The following ATL2 variants were observed in gnomAD, a reference collection of about 807,000 sequenced individuals.
The protein encoded by ATL2 is atlastin GTPase 2, also known as atlastin-2.
Under a neutral mutation model 73.9 loss-of-function variants are expected in ATL2, and 31 were observed. That is an observed-to-expected ratio of 0.42 (90% CI 0.32 to 0.57). ATL2 has a LOEUF of 0.57. Ranked by LOEUF, ATL2 falls within the 20% of genes least tolerant of loss-of-function variation. The probability of loss-of-function intolerance (pLI) is 0.14; values close to 1 mark genes in which losing one functional copy is unlikely to be tolerated. For missense variants in ATL2, 738 were observed against 702.6 expected, an observed-to-expected ratio of 1.05 and a Z score of -0.57; for synonymous variants, 291 against 237.5, an observed-to-expected ratio of 1.23 and a Z score of -2.07.
intron 8 of ATL2, 81 bp from the exon 9 acceptor site, chr2:38,309,587 T>C: frequency 7.1e-7 from 1 of 1,410,972 alleles, no homozygotes; most frequent in Admixed American, 2.3e-5. Flanking sequence ...AATTCTGTTT[T>C]ATGAAATAAG....
intron 1 of ATL2, among the ~76,000 whole-genome samples, chr2:38,356,819 C>A (rs1670695225): frequency 6.6e-6 from 1 of 152,062 alleles, no homozygotes. Context: ...ACAACCATTT[C>A]TATACATGTT....
At chr2:38,321,845 T>C (rs1668339615) in intron 2 of ATL2, among the ~76,000 whole-genome samples, 1 of 152,154 alleles carries the variant, frequency 6.6e-6, no homozygotes, top group African/African-American at 2.4e-5. Flanking sequence ...CCTAAGTAGC[T>C]GGGACTGCAG....
intron 6 of ATL2, among the ~76,000 whole-genome samples, chr2:38,314,045 A>G (rs1667895582): frequency 6.6e-6 from 1 of 152,228 alleles, no homozygotes; most frequent in Non-Finnish European, 1.5e-5. Context: ...AAGATTAACA[A>G]TCAGTAGCAA....
At chr2:38,322,599 C>G (rs1479259895) in intron 2 of ATL2, among the ~76,000 whole-genome samples, 1 of 152,142 alleles carries the variant, frequency 6.6e-6, no homozygotes, top group Non-Finnish European at 1.5e-5. Context: ...TGCCAGCCCC[C>G]TCTTCCAAAG....
Position 38,300,098 on chromosome 2 carries a change from C to CA in ATL2, c.1128+173dup, listed in dbSNP as rs750133609. ...ATGGAAGGCCTACAATCTGCAGTTA[C>CA]AAAAAAAAAATTGTATGAAACCTTA... On this transcript the variant is annotated intron_variant, in intron 10 of 12. Coordinates refer to ENST00000378954, the MANE Select transcript of ATL2 (RefSeq NM_001135673.4). Among the ~76,000 whole-genome samples the CA allele has an allele frequency of 5.2e-4, 78 of 148,960 alleles. 3 individuals are homozygous for CA. The South Asian group carries it at 7.2e-3, about 14-fold the overall frequency.
chr2:38,305,179 T>C (rs1381908056), intron 9 of ATL2, among the ~76,000 whole-genome samples: 1 of 152,070 alleles, frequency 6.6e-6, no homozygotes, highest in African/African-American at 2.4e-5. Context: ...CAATTGTAAA[T>C]ATATATGCAC....
At chr2:38,310,494 A>AT in intron 7 of ATL2, 47 bp from the exon 8 acceptor site, 4 of 1,538,314 alleles carry the variant, frequency 2.6e-6, no homozygotes, top group Non-Finnish European at 2.6e-6. Flanking sequence ...AAGAAAGAAA[A>AT]TTTTTTTAAA....
In ATL2 at chr2:38,295,963, AAG is replaced by A. The variant is rs1558377947; in HGVS notation, c.*29_*30del. ...CATTGTACAGCAAGCATGAAAAAAAAAGAGAGTGGAGTCCGTGAGGAGATGAA... is the reference window on the plus strand; with the variant it reads ...CATTGTACAGCAAGCATGAAAAAAAAAGAGTGGAGTCCGTGAGGAGATGAA... On this transcript the variant is annotated 3_prime_UTR_variant, in exon 13 of 13. Coordinates refer to ENST00000378954, the MANE Select transcript of ATL2 (RefSeq NM_001135673.4). 10 of 1,484,832 alleles carry A rather than the reference AAG, an allele frequency of 6.7e-6. No individual in the cohort carries two copies. Among genetic ancestry groups the A allele is most frequent in the South Asian group, 2.5e-5 (2 of 79,250 alleles). 92.0% of individuals were successfully genotyped at this position (1,484,832 alleles called of 1,614,324 possible).
At chr2:38,314,117 T>G (rs772193893) in intron 6 of ATL2, among the ~76,000 whole-genome samples, 3 of 152,200 alleles carry the variant, frequency 2.0e-5, no homozygotes, top group Non-Finnish European at 4.4e-5. Context: ...CATGCTCTCC[T>G]ACTGTAACTG....
chr2:38,357,558 A>C (rs1287845466), intron 1 of ATL2, among the ~76,000 whole-genome samples: 1 of 150,356 alleles, frequency 6.7e-6, no homozygotes, highest in Non-Finnish European at 1.5e-5. Context: ...AGGCTGAGGC[A>C]GAAGAATCGC....
chr2:38,371,672 TG>T (rs1264723118), intron 1 of ATL2, among the ~76,000 whole-genome samples: 8 of 151,804 alleles, frequency 5.3e-5, no homozygotes, highest in Admixed American at 5.3e-4. Context: ...CCAAGGTGGG[TG>T]GATCACCTGA....
intron 1 of ATL2, among the ~76,000 whole-genome samples, chr2:38,364,725 T>C (rs1198053130): frequency 6.6e-6 from 1 of 152,216 alleles, no homozygotes; most frequent in East Asian, 1.9e-4. Flanking sequence ...GGCATATAGT[T>C]TAAGAATTCT....
chr2:38,340,079 C>T (rs1033175102), intron 2 of ATL2, among the ~76,000 whole-genome samples: 3 of 147,098 alleles, frequency 2.0e-5, no homozygotes, highest in African/African-American at 7.5e-5. Flanking sequence ...AAGCCAAACA[C>T]ATAATACCTA....
rs1388396254 is a variant in ATL2, at chr2:38,294,096, C to A, written c.*1898G>T. ...TAAAAAGACACTTTTCAGGTGGATT[C>A]TTTAAGAACAGATAAGTTAGCAATT... On this transcript the variant is annotated 3_prime_UTR_variant, in exon 13 of 13. Coordinates refer to ENST00000378954, the MANE Select transcript of ATL2 (RefSeq NM_001135673.4). Among the ~76,000 whole-genome samples the A allele has an allele frequency of 1.3e-5, 2 of 152,182 alleles. No individual in the cohort carries two copies. The highest frequency in any genetic ancestry group is 1.5e-5 in the Non-Finnish European group (1 of 68,034).
In ATL2 at chr2:38,318,215, C is replaced by T. The variant is rs146330005; in HGVS notation, c.603+320G>A. On this transcript the variant is annotated intron_variant, in intron 4 of 12. Transcript: ENST00000378954. Reference sequence around the variant, plus strand: ...GGCAAATGCCAGGCTCAGTGGCTCACGCCTGTAATCCCAGCACTTGGGGAG... The same window carrying T: ...GGCAAATGCCAGGCTCAGTGGCTCATGCCTGTAATCCCAGCACTTGGGGAG... 1,298 of 200,082 alleles carry T rather than the reference C, an allele frequency of 6.5e-3. 63 individuals are homozygous for T. The East Asian group carries it at 0.12, about 19-fold the overall frequency. The allele number at this position is 200,082 out of a possible 1,614,324, so 12.4% of individuals were successfully genotyped here.
intron 9 of ATL2, among the ~76,000 whole-genome samples, chr2:38,307,626 T>C (rs1461483113): frequency 6.6e-6 from 1 of 151,986 alleles, no homozygotes; most frequent in Non-Finnish European, 1.5e-5. Context: ...TGGGATCATA[T>C]CAAGTTAAAA....
chr2:38,347,511 T>G (rs1039106716), intron 1 of ATL2, among the ~76,000 whole-genome samples: 1 of 152,182 alleles, frequency 6.6e-6, no homozygotes, highest in African/African-American at 2.4e-5. Flanking sequence ...CCTTAACACT[T>G]TAATGAAACA....
intron 1 of ATL2, among the ~76,000 whole-genome samples, chr2:38,352,427 C>T (rs11897502): frequency 0.031 from 4,767 of 152,254 alleles, 97 homozygotes; most frequent in Non-Finnish European, 0.049. Context: ...CAGCTCTCTG[C>T]CTGGGAACAA....
At chr2:38,316,860 G>A (rs988531204) in intron 4 of ATL2, among the ~76,000 whole-genome samples, 2 of 152,040 alleles carry the variant, frequency 1.3e-5, no homozygotes, top group Non-Finnish European at 2.9e-5. Flanking sequence ...ACTCCCTCTA[G>A]AGCCAGCTAA....
Sources: allele counts gnomAD v4.1 joint callset (sites outside exome capture counted in the v4.1 genomes callset), GRCh38; gene constraint gnomAD v4.1.1; transcripts MANE v1.5; gene names NCBI Gene and HGNC (gene_info 2026-07-23, HGNC 2026-07-21).